SLC9A9: variants seen among roughly 807,000 people sequenced by gnomAD.
SLC9A9 encodes sodium/hydrogen exchanger 9.
SLC9A9 carries 62 observed loss-of-function variants against 77.8 expected under a neutral mutation model. The observed-to-expected ratio is 0.80, with a 90% CI of 0.65 to 0.98. The LOEUF (loss-of-function observed/expected upper bound fraction) is 0.98. SLC9A9 is among the 50% of genes least tolerant of loss of function. The pLI is 0.00. For missense variants in SLC9A9, 775 were observed against 774.9 expected (o/e 1.00, Z 0.00); for synonymous variants, 320 against 283.5 (o/e 1.13, Z -1.29).
intron 6 of SLC9A9, among the ~76,000 whole-genome samples, chr3:143,626,515 G>A (rs1255678156): frequency 6.6e-6 from 1 of 150,590 alleles, no homozygotes; most frequent in Non-Finnish European, 1.5e-5. Flanking sequence ...CTATCGCAAG[G>A]ACAAAAAACC....
intron 12 of SLC9A9, among the ~76,000 whole-genome samples, chr3:143,393,423 C>T (rs575253008): frequency 1.3e-5 from 2 of 152,224 alleles, no homozygotes; most frequent in African/African-American, 4.8e-5. Context: ...ACACAACATA[C>T]CAGAATCTCT....
intron 1 of SLC9A9, among the ~76,000 whole-genome samples, chr3:143,846,576 G>T (rs2009834671): frequency 6.6e-6 from 1 of 151,986 alleles, no homozygotes; most frequent in Non-Finnish European, 1.5e-5. Context: ...AATACTGGCT[G>T]GGAATGGTGG....
At chr3:143,500,491 C>CTGTTTTTAT (rs2035906640) in intron 9 of SLC9A9, among the ~76,000 whole-genome samples, 1 of 152,070 alleles carries the variant, frequency 6.6e-6, no homozygotes, top group South Asian at 2.1e-4. Context: ...TTCAACATAG[C>CTGTTTTTAT]TTAGTTTAAC....
chr3:143,298,758 C>T (rs1420278533), intron 14 of SLC9A9, among the ~76,000 whole-genome samples: 1 of 152,150 alleles, frequency 6.6e-6, no homozygotes, highest in African/African-American at 2.4e-5. Flanking sequence ...GTTAGGCATC[C>T]CTGGGGCTTT....
chr3:143,446,587 A>G (rs908143538), intron 12 of SLC9A9, among the ~76,000 whole-genome samples: 4 of 152,056 alleles, frequency 2.6e-5, no homozygotes, highest in African/African-American at 9.7e-5. Flanking sequence ...CCTCACTTTT[A>G]CCCTCAGGAG....
intron 6 of SLC9A9, among the ~76,000 whole-genome samples, chr3:143,594,138 A>T (rs1011259599): frequency 2.6e-5 from 4 of 152,256 alleles, no homozygotes; most frequent in African/African-American, 9.6e-5. Flanking sequence ...AGAGAAAAAA[A>T]AAATTTCTGG....
At chr3:143,561,072 T>C (rs2037076311) in intron 8 of SLC9A9, among the ~76,000 whole-genome samples, 1 of 152,090 alleles carries the variant, frequency 6.6e-6, no homozygotes, top group Non-Finnish European at 1.5e-5. Flanking sequence ...TCCCAGCTAC[T>C]TGGGAGGTTG....
intron 12 of SLC9A9, among the ~76,000 whole-genome samples, chr3:143,426,541 T>C (rs904353277): frequency 6.6e-6 from 1 of 152,230 alleles, no homozygotes. Context: ...TCCTCCCTTT[T>C]GTTCTTGTTC....
intron 11 of SLC9A9, among the ~76,000 whole-genome samples, chr3:143,489,748 G>A (rs2035708390): frequency 6.6e-6 from 1 of 152,014 alleles, no homozygotes; most frequent in Non-Finnish European, 1.5e-5. Context: ...GCAGCTCATG[G>A]AATGGAAGAA....
chr3:143,696,858 A>G (rs1462288776), intron 4 of SLC9A9, among the ~76,000 whole-genome samples: 1 of 152,136 alleles, frequency 6.6e-6, no homozygotes, highest in Non-Finnish European at 1.5e-5. Context: ...CTCATATACT[A>G]TTGCTGGAAA....
Position 143,689,178 on chromosome 3 carries a change from A to G in SLC9A9, c.649+4014T>C, listed in dbSNP as rs929592792. 8.6e-5 allele frequency among the ~76,000 whole-genome samples: 13 copies of G among 151,980 alleles called. No individual in the cohort carries two copies. In the East Asian group the frequency reaches 1.7e-3, roughly 20 times the overall value. ...CTGGTATGAATGCAAACTGATACAA[A>G]TTTTATGGAGGGGAGTTTGGCATCT... is the stretch of plus-strand genomic sequence containing the variant. On this transcript the variant is annotated intron_variant, in intron 5 of 15. Transcript: ENST00000316549.
intron 12 of SLC9A9, among the ~76,000 whole-genome samples, chr3:143,448,418 T>C (rs1208148875): frequency 1.3e-5 from 2 of 152,144 alleles, no homozygotes; most frequent in Non-Finnish European, 2.9e-5. Flanking sequence ...CAAGATGTTT[T>C]ACTGAATGAG....
intron 14 of SLC9A9, among the ~76,000 whole-genome samples, chr3:143,281,862 T>C (rs1938230379): frequency 6.6e-6 from 1 of 152,214 alleles, no homozygotes; most frequent in Non-Finnish European, 1.5e-5. Context: ...ATACTAGAAC[T>C]GCACTGTCCT....
chr3:143,759,905 C>G (rs577680464), intron 4 of SLC9A9, among the ~76,000 whole-genome samples: 1 of 152,208 alleles, frequency 6.6e-6, no homozygotes, highest in South Asian at 2.1e-4. Flanking sequence ...ATTAGAAAGA[C>G]TGGCAACAAA....
chr3:143,572,119 G>C lies in SLC9A9; in HGVS notation c.1000+1969C>G, dbSNP rs139588387. ...TGGCTCCTTAGAAGGTGGTCTGTAT[G>C]GCAGCTCAGTAAGGATATCAGGTTG... On this transcript the variant is annotated intron_variant, in intron 8 of 15. Coordinates refer to ENST00000316549, the MANE Select transcript of SLC9A9 (RefSeq NM_173653.4). Among the ~76,000 whole-genome samples, 22 of 152,226 alleles carry C rather than the reference G, an allele frequency of 1.4e-4. No homozygotes were observed. In the East Asian group the frequency reaches 4.1e-3, roughly 28 times the overall value.
intron 6 of SLC9A9, chr3:143,627,441 G>T: frequency 4.5e-6 from 1 of 223,250 alleles, no homozygotes; most frequent in South Asian, 7.6e-5. Context: ...TTCTAGTTAT[G>T]AATGTCAGCT....
At chr3:143,746,595 T>G (rs1470776999) in intron 4 of SLC9A9, among the ~76,000 whole-genome samples, 1 of 152,212 alleles carries the variant, frequency 6.6e-6, no homozygotes, top group Non-Finnish European at 1.5e-5. Context: ...AAAGATGAAT[T>G]GAATTCAAGA....
At chr3:143,613,682 G>A (rs1469106287) in intron 6 of SLC9A9, among the ~76,000 whole-genome samples, 1 of 151,012 alleles carries the variant, frequency 6.6e-6, no homozygotes, top group African/African-American at 2.4e-5. Context: ...TTTTAAACAC[G>A]GAGTACATGT....
At chr3:143,398,322 T>C (rs2033775044) in intron 12 of SLC9A9, among the ~76,000 whole-genome samples, 1 of 152,132 alleles carries the variant, frequency 6.6e-6, no homozygotes, top group Non-Finnish European at 1.5e-5. Context: ...TCACACAAGA[T>C]ACAAGTGAAT....
Sources: gnomAD v4.1 joint callset for allele counts (sites outside exome capture counted in the v4.1 genomes callset) on GRCh38, gnomAD v4.1.1 for gene constraint, MANE v1.5 for transcripts, NCBI Gene and HGNC (gene_info 2026-07-23, HGNC 2026-07-21) for gene names.